The following ANKZF1 variants were observed in gnomAD, a reference collection of about 807,000 sequenced individuals.
ANKZF1 encodes the protein ankyrin repeat and zinc finger peptidyl tRNA hydrolase 1, also known as tRNA endonuclease ANKZF1.
In ANKZF1, 84 loss-of-function variants were observed where a neutral mutation model predicts 86.0. The observed-to-expected ratio is 0.98, with a 90% CI of 0.82 to 1.17. The LOEUF (loss-of-function observed/expected upper bound fraction) is 1.17, where lower values mean the gene tolerates loss of function less well. Ranked by LOEUF, ANKZF1 falls within the 50% of genes most tolerant of loss-of-function variation. ANKZF1 has a pLI of 0.00. For missense variants in ANKZF1, 893 were observed against 918.4 expected, an observed-to-expected ratio of 0.97 and a Z score of 0.36; for synonymous variants, 331 against 354.2, an observed-to-expected ratio of 0.93 and a Z score of 0.74.
intron 12 of ANKZF1, 35 bp downstream of exon 12, chr2:219,235,910 T>C: frequency 6.2e-7 from 1 of 1,613,646 alleles, no homozygotes; most frequent in Non-Finnish European, 8.5e-7. Context: ...ATGGCAAGGC[T>C]TCCTAGAGGT....
At position 219,235,542 on chromosome 2, in the gene ANKZF1, T is replaced by G; in HGVS notation, c.1760T>G (p.Phe587Cys). 6.2e-7 allele frequency: 1 copy of G among 1,613,980 alleles called. No individual in the cohort carries two copies. The highest frequency in any genetic ancestry group is 8.5e-7 in the Non-Finnish European group (1 of 1,180,008). The change falls in exon 11 of 14, where the codon TTC becomes TGC. Residue 587 changes from phenylalanine to cysteine, a missense_variant. Coordinates refer to ENST00000323348, the MANE Select transcript of ANKZF1 (RefSeq NM_018089.3). Reference sequence around the variant, plus strand: ...TCAACACGTAATGAGTTCCGAAGGTTCATGGAGAAGAATCCAGATGCCTAC... The same window carrying G: ...TCAACACGTAATGAGTTCCGAAGGTGCATGGAGAAGAATCCAGATGCCTAC... ...DKSTRNEFRR[F>C]MEKNPDAYDY...
chr2:219,232,335 CT>C lies in ANKZF1; in HGVS notation c.338del (p.Leu113ArgfsTer42), dbSNP rs1456539475. 6.2e-7 allele frequency: 1 copy of C among 1,614,104 alleles called. No homozygotes were observed. The highest frequency in any genetic ancestry group is 8.5e-7 in the Non-Finnish European group (1 of 1,180,052). On this transcript the variant is annotated frameshift_variant, in exon 4 of 14. Transcript: ENST00000323348. LOFTEE classifies it high-confidence loss of function. ...RLKDKPLLSALDFEKQSSTGD... is the reference protein window; with the variant it reads ...RLKDKPLLSAXDFEKQSSTGD... Reference sequence around the variant, plus strand: ...CAAGGACAAGCCTCTCCTGTCTGCCCTGGACTTTGAAAAGCAGAGCTCCACA... The same window carrying C: ...CAAGGACAAGCCTCTCCTGTCTGCCCGGACTTTGAAAAGCAGAGCTCCACA...
At chr2:219,235,667 C>A in intron 11 of ANKZF1, 41 bp from the exon 12 acceptor site, 1 of 1,611,286 alleles carries the variant, frequency 6.2e-7, no homozygotes, top group Non-Finnish European at 8.5e-7. Flanking sequence ...TGCAGTTTTA[C>A]CAAAGATAAC....
rs1951076439 is a variant in ANKZF1 at position 219,232,584 on chromosome 2, G to A, written c.459G>A (p.Lys153=). Residue 153 remains lysine (K), a synonymous_variant, in exon 5 of 14, where the codon AAG becomes AAA. Coordinates refer to ENST00000323348, the MANE Select transcript of ANKZF1 (RefSeq NM_018089.3). The stretch of plus-strand genomic sequence containing the variant: ...ATCGGGAGAGGGCTACATTTGAGAA[G>A]TTGAGCCGACCCCCAGGCTTTTACC... The part of the protein sequence containing the change: ...TLDRERATFE[K]LSRPPGFYPH... 3.7e-6 allele frequency: 6 copies of A among 1,614,058 alleles called. No individual in the cohort carries two copies. Among genetic ancestry groups the A allele is most frequent in the African/African-American group, 1.3e-5 (1 of 74,916 alleles).
chr2:219,235,014 G>A lies in ANKZF1; in HGVS notation c.1393G>A (p.Glu465Lys). 2.5e-6 allele frequency: 4 copies of A among 1,614,270 alleles called. No individual in the cohort carries two copies. Among genetic ancestry groups the A allele is most frequent in the Non-Finnish European group, 3.4e-6 (4 of 1,180,056 alleles). ...HRTLLQQTQE[E>K]EPSTQSSQAV... ...GACTCTTCTCCAGCAAACTCAAGAA[G>A]AGGAGCCTTCCACACAGTCATCCCA... The change falls in exon 10 of 14, where the codon GAG (glutamate) becomes AAG (lysine). Residue 465 changes from glutamate to lysine, a missense_variant. Glu to Lys is a moderately conservative substitution (Grantham distance 56, BLOSUM62 1). Transcript: ENST00000323348.
In ANKZF1 at chr2:219,230,338, G is replaced by A. The variant is rs1253548667; in HGVS notation, c.81G>A (p.Gln27=). ...FDLSADAPVF[Q]GLSLVSHAPG... ...TCAGCGCGGATGCTCCGGTCTTTCA[G>A]GGCCTGAGCCTGGTGAGCCACGCGC... The change falls in exon 2 of 14, where the codon CAG becomes CAA. Residue 27 remains glutamine (Q), a synonymous_variant. Coordinates refer to ENST00000323348, the MANE Select transcript of ANKZF1 (RefSeq NM_018089.3). The A allele has an allele frequency of 6.2e-7, 1 of 1,614,124 alleles. No individual in the cohort carries two copies. Among genetic ancestry groups the A allele is most frequent in the Non-Finnish European group, 8.5e-7 (1 of 1,179,984 alleles).
rs755439594 is a variant in ANKZF1 at position 219,230,312 on chromosome 2, C to T, written c.55C>T (p.Leu19Phe). 9 of 1,614,020 alleles carry T rather than the reference C, an allele frequency of 5.6e-6. No homozygotes were observed. In the South Asian group the frequency reaches 8.8e-5, roughly 16 times the overall value. Residue 19 changes from leucine to phenylalanine, a missense_variant, in exon 2 of 14, where the codon CTC becomes TTC. Leu to Phe is a conservative substitution (Grantham distance 22). Coordinates refer to ENST00000323348, the MANE Select transcript of ANKZF1 (RefSeq NM_018089.3). ...PAPASISLFD[L>F]SADAPVFQGL... Reference sequence around the variant, plus strand: ...TCCTGCGTCGATCTCCCTGTTTGACCTCAGCGCGGATGCTCCGGTCTTTCA... The same window carrying T: ...TCCTGCGTCGATCTCCCTGTTTGACTTCAGCGCGGATGCTCCGGTCTTTCA...
In ANKZF1 at chr2:219,236,515, T is replaced by C; in HGVS notation, c.*70T>C. The C allele has an allele frequency of 1.3e-6, 2 of 1,505,966 alleles. No homozygotes were observed. Among genetic ancestry groups the C allele is most frequent in the Non-Finnish European group, 1.8e-6 (2 of 1,129,460 alleles). 93.3% of individuals were successfully genotyped at this position (1,505,966 alleles called of 1,614,324 possible). A position where few individuals can be genotyped will look rare whatever the true frequency, so the allele number is the denominator to read the frequency against. ...CACATTCACAGCAGCCCTAGGTTTT[T>C]TCTTCCCCGTGAAACCAGAGATGAT... is the stretch of plus-strand genomic sequence containing the variant. On this transcript the variant is annotated 3_prime_UTR_variant, in exon 14 of 14. Coordinates refer to ENST00000323348, the MANE Select transcript of ANKZF1 (RefSeq NM_018089.3).
intron 2 of ANKZF1, 47 bp downstream of exon 2, chr2:219,230,452 G>A (rs768593260): frequency 1.3e-6 from 2 of 1,549,540 alleles, no homozygotes; most frequent in East Asian, 2.3e-5. Flanking sequence ...TCCTTACAGC[G>A]TATTGCCCGT....
chr2:219,231,588 G>C (rs1490332691), intron 2 of ANKZF1: 1 of 239,590 alleles, frequency 4.2e-6, no homozygotes, highest in Non-Finnish European at 8.3e-6. Flanking sequence ...TAGAGACGGG[G>C]TTTCACCGTG....
At position 219,235,285 on chromosome 2, in the gene ANKZF1, T is replaced by A. The variant is rs376958703; in HGVS notation, c.1664T>A (p.Leu555Gln). ...AGAGGCTCAGTGGTTCGTCTGCTGCTGGAAGCAGGTGCTGACCCCACTGTG... is the reference window on the plus strand; with the variant it reads ...AGAGGCTCAGTGGTTCGTCTGCTGCAGGAAGCAGGTGCTGACCCCACTGTG... ...AGRGSVVRLL[L>Q]EAGADPTVQD... is the part of the protein sequence containing the mutation. The change falls in exon 10 of 14, where the codon CTG (leucine) becomes CAG (glutamine). Residue 555 changes from leucine to glutamine, a missense_variant. Coordinates refer to ENST00000323348, the MANE Select transcript of ANKZF1 (RefSeq NM_018089.3). 2 of 1,611,276 alleles carry A rather than the reference T, an allele frequency of 1.2e-6. No individual in the cohort carries two copies. The highest frequency in any genetic ancestry group is 2.7e-5 in the African/African-American group (2 of 74,956).
At chr2:219,232,770 C>T (rs1286574381) in intron 5 of ANKZF1, 87 bp downstream of exon 5, 5 of 1,367,242 alleles carry the variant, frequency 3.7e-6, no homozygotes, top group East Asian at 2.3e-5. Flanking sequence ...TTTCTCCCTG[C>T]TTCTCTTCCT....
Position 219,232,503 on chromosome 2 carries a change from C to T in ANKZF1, c.378C>T (p.Ser126=). 6.2e-7 allele frequency: 1 copy of T among 1,614,164 alleles called. No individual in the cohort carries two copies. The highest frequency in any genetic ancestry group is 1.7e-5 in the Admixed American group (1 of 60,018). ...GTCTGTCTTCAGGAGATCTTTCCAG[C>T]ATCTCGGGATCAGAAGACTCAGACT... ...EKQSSTGDLS[S]ISGSEDSDSA... The change falls in exon 5 of 14, where the codon AGC becomes AGT. Residue 126 remains serine, a synonymous_variant. Coordinates refer to ENST00000323348, the MANE Select transcript of ANKZF1 (RefSeq NM_018089.3).
At chr2:219,230,608 C>T (rs1196346915) in intron 2 of ANKZF1, 1 of 557,632 alleles carries the variant, frequency 1.8e-6, no homozygotes, top group Non-Finnish European at 3.0e-6. Context: ...CATGTATCTC[C>T]TCACGTTAAC....
In ANKZF1 at chr2:219,235,254, G is replaced by A. The variant is rs1054130197; in HGVS notation, c.1633G>A (p.Ala545Thr). The A allele has an allele frequency of 6.2e-6, 10 of 1,612,408 alleles. No individual in the cohort carries two copies. In the African/African-American group the frequency reaches 1.3e-4, roughly 22 times the overall value. Residue 545 changes from alanine to threonine, a missense_variant, in exon 10 of 14, where the codon GCT becomes ACT. Physicochemically the swap from Ala to Thr is moderately conservative, Grantham distance 58. Transcript: ENST00000323348. ...TACTCTCCTGCATGCAGCAGCTGCA[G>A]CTGGAAGAGGCTCAGTGGTTCGTCT... Reference protein sequence around the residue: ...GFTLLHAAAAAGRGSVVRLLL... With the variant: ...GFTLLHAAAATGRGSVVRLLL...
chr2:219,236,380 TTC>T lies in ANKZF1; in HGVS notation c.2120_2121del (p.Ser707PhefsTer?). 1 of 1,614,134 alleles carries T rather than the reference TTC, an allele frequency of 6.2e-7. No individual in the cohort carries two copies. The highest frequency in any genetic ancestry group is 1.1e-5 in the South Asian group (1 of 91,080). On this transcript the variant is annotated frameshift_variant, in exon 14 of 14. Coordinates refer to ENST00000323348, the MANE Select transcript of ANKZF1 (RefSeq NM_018089.3). LOFTEE classifies it high-confidence loss of function. The part of the protein sequence containing the change: ...QGLTPFHYLD[F>X]SFCSTRCLQD... ...CCTGACTCCCTTTCACTACCTCGACTTCTCTTTCTGCTCCACACGTTGCCTCC... is the reference window on the plus strand; with the variant it reads ...CCTGACTCCCTTTCACTACCTCGACTTCTTTCTGCTCCACACGTTGCCTCC...
intron 9 of ANKZF1, 149 bp from the exon 10 acceptor site, chr2:219,234,677 T>G (rs994741163): frequency 5.8e-6 from 6 of 1,041,502 alleles, no homozygotes; most frequent in African/African-American, 1.6e-5. Context: ...CATTTCTGCA[T>G]GTGATATAAT....
intron 8 of ANKZF1, 57 bp downstream of exon 8, chr2:219,234,000 G>A: frequency 6.5e-7 from 1 of 1,529,142 alleles, no homozygotes; most frequent in Non-Finnish European, 8.8e-7. Flanking sequence ...TCCAACCTAA[G>A]CCTCCATTCT....
chr2:219,234,699 TTGA>T, intron 9 of ANKZF1, 124 bp from the exon 10 acceptor site: 1 of 1,282,236 alleles, frequency 7.8e-7, no homozygotes, highest in East Asian at 2.3e-5. Flanking sequence ...GACTCAGCTC[TTGA>T]TGTGCTACTT....
Sources: gnomAD v4.1 joint callset for allele counts on GRCh38, gnomAD v4.1.1 for gene constraint, MANE v1.5 for transcripts, NCBI Gene and HGNC (gene_info 2026-07-23, HGNC 2026-07-21) for gene names.